The following DENND1B variants were observed in gnomAD, a reference collection of about 807,000 sequenced individuals.
DENND1B encodes the protein DENN domain containing 1B.
DENND1B carries 59 observed loss-of-function variants against 90.1 expected under a neutral mutation model. The observed-to-expected ratio is 0.65, with a 90% CI of 0.53 to 0.81. The LOEUF is 0.81. DENND1B is among the 40% of genes least tolerant of loss of function. The pLI is 0.00. For synonymous variants in DENND1B, 337 were observed against 324.6 expected, an observed-to-expected ratio of 1.04 and a Z score of -0.41; for missense variants, 862 against 912.6, an observed-to-expected ratio of 0.94 and a Z score of 0.71.
intron 2 of DENND1B, among the ~76,000 whole-genome samples, chr1:197,737,774 T>A (rs1437612807): frequency 7.0e-6 from 1 of 142,564 alleles, no homozygotes; most frequent in East Asian, 2.2e-4. Context: ...AAATAAATAC[T>A]TAGAATTCTG....
At chr1:197,584,810 TACAGGC>T (rs1168990020) in intron 14 of DENND1B, among the ~76,000 whole-genome samples, 4 of 152,234 alleles carry the variant, frequency 2.6e-5, no homozygotes, top group African/African-American at 9.6e-5. Context: ...TAGCTGGGAC[TACAGGC>T]ACATGCCACC....
At chr1:197,528,147 ATTCTT>A (rs1669279172) in intron 20 of DENND1B, among the ~76,000 whole-genome samples, 1 of 152,198 alleles carries the variant, frequency 6.6e-6, no homozygotes, top group African/African-American at 2.4e-5. Context: ...AACCTAAGAT[ATTCTT>A]TTCTTATAAG....
At chr1:197,780,116 G>A (rs574122797), upstream of DENND1B, among the ~76,000 whole-genome samples, 1 of 152,214 alleles carries the variant, frequency 6.6e-6, no homozygotes, top group East Asian at 1.9e-4. Context: ...TGAATCCTCT[G>A]GGAAGCTTTT....
intron 15 of DENND1B, among the ~76,000 whole-genome samples, chr1:197,580,669 A>G (rs960596727): frequency 6.6e-6 from 1 of 152,078 alleles, no homozygotes; most frequent in Non-Finnish European, 1.5e-5. Context: ...TCTTAACAGC[A>G]TTTTTCCCTT....
chr1:197,651,951 C>T (rs574870768), intron 7 of DENND1B, among the ~76,000 whole-genome samples: 2 of 151,994 alleles, frequency 1.3e-5, no homozygotes, highest in Admixed American at 1.3e-4. Flanking sequence ...GCCACCGGGC[C>T]CAGCCAAATC....
At chr1:197,705,898 T>A (rs943643427) in intron 3 of DENND1B, among the ~76,000 whole-genome samples, 10 of 152,228 alleles carry the variant, frequency 6.6e-5, no homozygotes, top group Admixed American at 4.6e-4. Context: ...TAAAATCAAA[T>A]TATAATTCTA....
chr1:197,713,957 A>ATATT, intron 3 of DENND1B, among the ~76,000 whole-genome samples: 1 of 7,154 alleles, frequency 1.4e-4, no homozygotes, highest in African/African-American at 3.5e-4. Context: ...ATACACCAAT[A>ATATT]ATAAATATCA....
At chr1:197,664,535 A>G (rs113274713) in intron 5 of DENND1B, among the ~76,000 whole-genome samples, 47 of 152,210 alleles carry the variant, frequency 3.1e-4, no homozygotes, top group African/African-American at 1.1e-3. Context: ...TAGTAAGAAG[A>G]CTTCCCCCAC....
intron 7 of DENND1B, among the ~76,000 whole-genome samples, chr1:197,650,782 C>A (rs920032985): frequency 6.6e-6 from 1 of 152,108 alleles, no homozygotes. Context: ...AATCAAATAT[C>A]GTATGTTCTC....
intron 5 of DENND1B, among the ~76,000 whole-genome samples, chr1:197,669,361 T>TAAAAA (rs1655260987): frequency 6.6e-6 from 1 of 152,068 alleles, no homozygotes; most frequent in Non-Finnish European, 1.5e-5. Flanking sequence ...AAACTCGGAC[T>TAAAAA]AAAAGCACCA....
At chr1:197,596,854 A>G (rs757522208) in intron 13 of DENND1B, among the ~76,000 whole-genome samples, 14 of 151,960 alleles carry the variant, frequency 9.2e-5, no homozygotes, top group Non-Finnish European at 1.8e-4. Flanking sequence ...CCAGCTCTAC[A>G]GGTGATAAAA....
intron 5 of DENND1B, among the ~76,000 whole-genome samples, chr1:197,669,296 C>A (rs772956849): frequency 7.2e-5 from 11 of 152,038 alleles, no homozygotes; most frequent in Non-Finnish European, 1.3e-4. Context: ...CTTTATCCAT[C>A]CTTTCAACAA....
chr1:197,727,695 C>A (rs1482300613), intron 2 of DENND1B, among the ~76,000 whole-genome samples: 1 of 152,084 alleles, frequency 6.6e-6, no homozygotes, highest in Admixed American at 6.5e-5. Context: ...CACAAGTTCA[C>A]AAAGATAATT....
At chr1:197,760,419 G>T (rs923287777) in intron 2 of DENND1B, among the ~76,000 whole-genome samples, 1 of 152,066 alleles carries the variant, frequency 6.6e-6, no homozygotes, top group African/African-American at 2.4e-5. Flanking sequence ...GGAAGCTAAG[G>T]TAGGCAGGTC....
chr1:197,670,911 T>C lies in DENND1B; in HGVS notation c.296+1126A>G, dbSNP rs142870275. On this transcript the variant is annotated intron_variant, in intron 5 of 22. Coordinates refer to ENST00000620048, the MANE Select transcript of DENND1B (RefSeq NM_001195215.2). ...AAGTGTAAGTTTTAAGCACAATTTT[T>C]ATCCAGATGAAAAAGTTGTGCTAAA... Among the ~76,000 whole-genome samples, 102 of 152,264 alleles carry C rather than the reference T, an allele frequency of 6.7e-4. No homozygotes were observed. The East Asian group carries it at 0.02, about 29-fold the overall frequency.
chr1:197,748,964 C>T (rs914403064), intron 2 of DENND1B, among the ~76,000 whole-genome samples: 5 of 151,942 alleles, frequency 3.3e-5, no homozygotes, highest in African/African-American at 1.2e-4. Flanking sequence ...AGATTCAAAA[C>T]GAAAATCTAC....
chr1:197,763,147 C>CA (rs1009947874), intron 2 of DENND1B, among the ~76,000 whole-genome samples: 1 of 152,062 alleles, frequency 6.6e-6, no homozygotes, highest in African/African-American at 2.4e-5. Flanking sequence ...CCCATCTGTA[C>CA]AAAAAATGTA....
At chr1:197,744,827 C>A (rs938072685) in intron 2 of DENND1B, among the ~76,000 whole-genome samples, 1 of 152,212 alleles carries the variant, frequency 6.6e-6, no homozygotes, top group Non-Finnish European at 1.5e-5. Flanking sequence ...CACTGAAAAT[C>A]AGTTGTTTAA....
intron 22 of DENND1B, 65 bp from the exon 23 acceptor site, chr1:197,511,037 C>A: frequency 2.2e-6 from 3 of 1,383,480 alleles, no homozygotes; most frequent in South Asian, 3.7e-5. Flanking sequence ...GTTCTTTTTT[C>A]TCTTTTGAAA....
Sources: gnomAD v4.1 joint callset for allele counts (sites outside exome capture counted in the v4.1 genomes callset) on GRCh38, gnomAD v4.1.1 for gene constraint, MANE v1.5 for transcripts, NCBI Gene and HGNC (gene_info 2026-07-23, HGNC 2026-07-21) for gene names.